The following SDCCAG8 variants were observed in gnomAD, a reference collection of about 807,000 sequenced individuals.
The protein encoded by SDCCAG8 is SHH signaling and ciliogenesis regulator SDCCAG8, also known as serologically defined colon cancer antigen 8.
SDCCAG8 carries 74 observed loss-of-function variants against 101.8 expected under a neutral mutation model. The observed-to-expected ratio is 0.73, with a 90% confidence interval of 0.60 to 0.88. The LOEUF (loss-of-function observed/expected upper bound fraction) is 0.88. Ranked by LOEUF, SDCCAG8 falls within the 40% of genes least tolerant of loss-of-function variation. SDCCAG8 has a pLI of 0.00. For synonymous variants in SDCCAG8, 281 were observed against 292.9 expected (o/e 0.96, Z 0.41); for missense variants, 787 against 822.6 (o/e 0.96, Z 0.53).
At chr1:243,450,839 A>G (rs181978559) in intron 16 of SDCCAG8, among the ~76,000 whole-genome samples, 135 of 152,248 alleles carry the variant, frequency 8.9e-4, no homozygotes, top group Admixed American at 1.8e-3. Context: ...TTGTATTTTT[A>G]GTAGAGACGG....
chr1:243,418,993 A>T (rs2080800404), intron 15 of SDCCAG8, among the ~76,000 whole-genome samples: 1 of 152,106 alleles, frequency 6.6e-6, no homozygotes, highest in East Asian at 1.9e-4. Context: ...CAAACTACTG[A>T]CCTAGATGTT....
chr1:243,328,782 T>C (rs1280355688), intron 9 of SDCCAG8, among the ~76,000 whole-genome samples: 1 of 152,230 alleles, frequency 6.6e-6, no homozygotes, highest in African/African-American at 2.4e-5. Flanking sequence ...CCTCTTATCC[T>C]GCCAGGATTA....
At chr1:243,414,913 G>A (rs752023220) in intron 13 of SDCCAG8, among the ~76,000 whole-genome samples, 3 of 151,686 alleles carry the variant, frequency 2.0e-5, no homozygotes, top group Non-Finnish European at 4.4e-5. Context: ...AGTATCCACA[G>A]TGCTGCCAGC....
At chr1:243,271,700 A>T (rs2068096564) in intron 3 of SDCCAG8, among the ~76,000 whole-genome samples, 1 of 151,790 alleles carries the variant, frequency 6.6e-6, no homozygotes, top group South Asian at 2.1e-4. Context: ...GCACTACCAC[A>T]CCAGGCTAAT....
At chr1:243,418,129 A>C (rs1418579332) in intron 15 of SDCCAG8, 53 bp downstream of exon 15, 8 of 1,266,000 alleles carry the variant, frequency 6.3e-6, no homozygotes, top group Non-Finnish European at 8.1e-6. Flanking sequence ...GATTACTCTA[A>C]TTTTTCCTTA....
At chr1:243,447,803 A>G (rs1438255221) in intron 16 of SDCCAG8, among the ~76,000 whole-genome samples, 1 of 152,252 alleles carries the variant, frequency 6.6e-6, no homozygotes, top group Non-Finnish European at 1.5e-5. Context: ...ATAAATAAAA[A>G]TATTTGTAAA....
At chr1:243,430,751 T>G (rs1232431042) in intron 16 of SDCCAG8, among the ~76,000 whole-genome samples, 1 of 152,150 alleles carries the variant, frequency 6.6e-6, no homozygotes, top group African/African-American at 2.4e-5. Flanking sequence ...CTTTATGTTT[T>G]TATCATGGAC....
At chr1:243,342,177 G>A (rs904244363) in intron 11 of SDCCAG8, among the ~76,000 whole-genome samples, 1 of 152,146 alleles carries the variant, frequency 6.6e-6, no homozygotes, top group African/African-American at 2.4e-5. Flanking sequence ...TCAGAAGGAT[G>A]GGAATACTTA....
rs760154232 is a variant in SDCCAG8 at position 243,418,046 on chromosome 1, A to G, written c.1823A>G (p.Lys608Arg). ...AAGGAAGAATGCTGTACATTAGCCA[A>G]GAAACTGGAACAAATCTCTCAAAAA... is the stretch of plus-strand genomic sequence containing the variant. ...KLKEECCTLA[K>R]KLEQISQKTR... is the part of the protein sequence containing the mutation. The change falls in exon 15 of 18, where the codon AAG (lysine) becomes AGG (arginine). Residue 608 changes from lysine to arginine, a missense_variant. Physicochemically the swap from Lys to Arg is conservative, Grantham distance 26. Coordinates refer to ENST00000366541, the MANE Select transcript of SDCCAG8 (RefSeq NM_006642.5). The G allele has an allele frequency of 1.3e-5, 21 of 1,612,744 alleles. No homozygotes were observed. The highest frequency in any genetic ancestry group is 1.7e-5 in the Non-Finnish European group (20 of 1,179,104).
At chr1:243,353,298 C>G (rs915380045) in intron 12 of SDCCAG8, among the ~76,000 whole-genome samples, 2 of 151,514 alleles carry the variant, frequency 1.3e-5, no homozygotes, top group African/African-American at 4.8e-5. Flanking sequence ...CGAGGCCAGC[C>G]TGGCCAACGT....
chr1:243,479,302 T>G (rs962664474), intron 16 of SDCCAG8, among the ~76,000 whole-genome samples: 7 of 152,212 alleles, frequency 4.6e-5, no homozygotes, highest in African/African-American at 1.7e-4. Flanking sequence ...AATATGGAGC[T>G]GGAGGAGAAT....
intron 6 of SDCCAG8, among the ~76,000 whole-genome samples, chr1:243,295,929 T>C (rs916409703): frequency 6.6e-6 from 1 of 152,232 alleles, no homozygotes; most frequent in Non-Finnish European, 1.5e-5. Flanking sequence ...TTTCACTTTT[T>C]CCAAGGGTTT....
intron 4 of SDCCAG8, among the ~76,000 whole-genome samples, chr1:243,281,273 T>G (rs2069011925): frequency 6.6e-6 from 1 of 151,654 alleles, no homozygotes; most frequent in Non-Finnish European, 1.5e-5. Flanking sequence ...TATTTATAAT[T>G]GGCTTTTTTT....
At chr1:243,439,301 A>C (rs1267550274) in intron 16 of SDCCAG8, among the ~76,000 whole-genome samples, 1 of 151,946 alleles carries the variant, frequency 6.6e-6, no homozygotes, top group East Asian at 1.9e-4. Context: ...CCTCAGGTGC[A>C]TGCCACTGCA....
chr1:243,483,956 C>T (rs577648585), intron 16 of SDCCAG8, among the ~76,000 whole-genome samples: 1 of 152,190 alleles, frequency 6.6e-6, no homozygotes, highest in African/African-American at 2.4e-5. Flanking sequence ...GCCAACCCTT[C>T]CCAGGCAAAT....
chr1:243,423,785 A>G (rs1350257242), intron 15 of SDCCAG8, among the ~76,000 whole-genome samples: 1 of 152,138 alleles, frequency 6.6e-6, no homozygotes, highest in Non-Finnish European at 1.5e-5. Context: ...AGGTGGGTGG[A>G]ACCACCCCTT....
At chr1:243,302,728 C>T (rs2071650652) in intron 6 of SDCCAG8, among the ~76,000 whole-genome samples, 1 of 152,200 alleles carries the variant, frequency 6.6e-6, no homozygotes, top group African/African-American at 2.4e-5. Context: ...AAAGTGGTCT[C>T]CTTGCCTGCA....
chr1:243,440,024 T>C (rs1360693674), intron 16 of SDCCAG8, among the ~76,000 whole-genome samples: 1 of 152,180 alleles, frequency 6.6e-6, no homozygotes, highest in Admixed American at 6.5e-5. Flanking sequence ...GAGCATATGG[T>C]GCATAATGGT....
At position 243,304,945 on chromosome 1, in the gene SDCCAG8, T is replaced by C. The variant is rs752982572; in HGVS notation, c.740+168T>C. ...TTATTAAAGGATGAAAGGCCTAAAA[T>C]TGAGTTCTTTTCCAAATCACGTTCC... On this transcript the variant is annotated intron_variant, in intron 7 of 17. Coordinates refer to ENST00000366541, the MANE Select transcript of SDCCAG8 (RefSeq NM_006642.5). The C allele has an allele frequency of 1.2e-5, 7 of 587,666 alleles. No individual in the cohort carries two copies. In the Admixed American group the frequency reaches 1.3e-4, roughly 11 times the overall value. The allele number at this position is 587,666 out of a possible 1,614,324, so 36.4% of individuals were successfully genotyped here.
Sources: gnomAD v4.1 joint callset for allele counts (sites outside exome capture counted in the v4.1 genomes callset) on GRCh38, gnomAD v4.1.1 for gene constraint, MANE v1.5 for transcripts, NCBI Gene and HGNC (gene_info 2026-07-23, HGNC 2026-07-21) for gene names.